ULK4: variants seen among roughly 807,000 people sequenced by gnomAD.
The protein encoded by ULK4 is unc-51 like kinase 4.
A neutral mutation model predicts 160.6 loss-of-function variants in ULK4; 133 were observed. That is an observed-to-expected ratio of 0.83 (90% confidence interval 0.72 to 0.96). The LOEUF is 0.96. Ranked by LOEUF, ULK4 falls within the 40% of genes least tolerant of loss-of-function variation. The pLI, the probability that ULK4 is intolerant of heterozygous loss-of-function variation, is 0.00. For synonymous variants in ULK4, 534 were observed against 539.8 expected (o/e 0.99, Z 0.15); for missense variants, 1,580 against 1,499.5 (o/e 1.05, Z -0.89).
intron 34 of ULK4, among the ~76,000 whole-genome samples, chr3:41,447,361 C>G (rs1310321804): frequency 2.6e-5 from 4 of 151,860 alleles, no homozygotes; most frequent in Non-Finnish European, 5.9e-5. Context: ...GAATGACTTT[C>G]TGGAGGAGCT....
intron 5 of ULK4, among the ~76,000 whole-genome samples, chr3:41,930,183 T>C (rs1699542757): frequency 6.6e-6 from 1 of 151,960 alleles, no homozygotes; most frequent in Non-Finnish European, 1.5e-5. Context: ...AATAGAGATC[T>C]ACAACCATCT....
At chr3:41,834,349 A>T (rs964762470) in intron 18 of ULK4, among the ~76,000 whole-genome samples, 3 of 152,082 alleles carry the variant, frequency 2.0e-5, no homozygotes, top group African/African-American at 7.2e-5. Context: ...AAAGATATCA[A>T]TACTTTCCCA....
At chr3:41,887,793 C>T (rs899583057) in intron 16 of ULK4, among the ~76,000 whole-genome samples, 7 of 152,062 alleles carry the variant, frequency 4.6e-5, no homozygotes, top group African/African-American at 1.4e-4. Flanking sequence ...TACTGCACTC[C>T]CGCCTGGGTG....
chr3:41,943,872 T>C (rs1314220674), intron 2 of ULK4, among the ~76,000 whole-genome samples: 5 of 152,360 alleles, frequency 3.3e-5, no homozygotes, highest in African/African-American at 1.2e-4. Context: ...CCCTTGCTAA[T>C]AGACCATTTC....
chr3:41,634,899 A>C (rs1379016510), intron 30 of ULK4, among the ~76,000 whole-genome samples: 4 of 152,346 alleles, frequency 2.6e-5, no homozygotes, highest in Middle Eastern at 3.4e-3. Flanking sequence ...TGAGAAGAGC[A>C]AAGTTGGAAA....
intron 34 of ULK4, among the ~76,000 whole-genome samples, chr3:41,415,301 T>C (rs1019684240): frequency 6.6e-6 from 1 of 152,138 alleles, no homozygotes; most frequent in African/African-American, 2.4e-5. Flanking sequence ...CTCCCTACTT[T>C]AGACATTCAG....
At chr3:41,607,202 G>C (rs2032424471) in intron 31 of ULK4, among the ~76,000 whole-genome samples, 1 of 152,118 alleles carries the variant, frequency 6.6e-6, no homozygotes, top group Non-Finnish European at 1.5e-5. Context: ...ACATTAGCTT[G>C]ATGATAGTGA....
At chr3:41,897,833 A>C (rs1209414334) in intron 14 of ULK4, among the ~76,000 whole-genome samples, 1 of 152,216 alleles carries the variant, frequency 6.6e-6, no homozygotes, top group Non-Finnish European at 1.5e-5. Flanking sequence ...TACTCTAGCC[A>C]CGATGAATAA....
intron 27 of ULK4, among the ~76,000 whole-genome samples, chr3:41,698,937 A>G (rs561322539): frequency 1.3e-5 from 2 of 152,158 alleles, no homozygotes; most frequent in African/African-American, 4.8e-5. Flanking sequence ...AATTTTTAAG[A>G]TTTATCCATG....
chr3:41,907,616 T>C (rs753975244), intron 12 of ULK4, among the ~76,000 whole-genome samples: 2 of 152,128 alleles, frequency 1.3e-5, no homozygotes, highest in Admixed American at 6.6e-5. Context: ...AATAGGTAAA[T>C]TGTATGGTAT....
At chr3:41,580,184 A>G (rs1441665664) in intron 31 of ULK4, among the ~76,000 whole-genome samples, 1 of 152,148 alleles carries the variant, frequency 6.6e-6, no homozygotes, top group Non-Finnish European at 1.5e-5. Context: ...ACAACAGACA[A>G]GCGGCTGTCA....
At position 41,435,443 on chromosome 3, in the gene ULK4, T is replaced by C. The variant is rs372968111; in HGVS notation, c.3492+20054A>G. On this transcript the variant is annotated intron_variant, in intron 34 of 36. Coordinates refer to ENST00000301831, the MANE Select transcript of ULK4 (RefSeq NM_017886.4). ...TCCAAAATAACTATATATCTGTTTC[T>C]AGGAAGGATGGTTAATGGGATCAAA... Among the ~76,000 whole-genome samples the C allele has an allele frequency of 5.9e-5, 9 of 152,342 alleles. No homozygotes were observed. The East Asian group carries it at 7.7e-4, about 13-fold the overall frequency.
chr3:41,521,427 G>A (rs1200095349), intron 32 of ULK4, among the ~76,000 whole-genome samples: 1 of 151,584 alleles, frequency 6.6e-6, no homozygotes. Context: ...AGACAGATAT[G>A]TATAGTTCTC....
At chr3:41,317,063 A>ATTTTTTTTTTTTTTTTTTTTTTTT (rs1164870603) in intron 35 of ULK4, among the ~76,000 whole-genome samples, 4 of 94,550 alleles carry the variant, frequency 4.2e-5, no homozygotes, top group African/African-American at 1.3e-4. Flanking sequence ...AATTACATCT[A>ATTTTTTTTTTTTTTTTTTTTTTTT]TTTTTTTTTT....
intron 35 of ULK4, among the ~76,000 whole-genome samples, chr3:41,349,631 C>T (rs2080870882): frequency 6.6e-6 from 1 of 152,108 alleles, no homozygotes; most frequent in Non-Finnish European, 1.5e-5. Flanking sequence ...AATCCCTGCC[C>T]CTCCTGTAGA....
At chr3:41,402,568 A>T (rs1179949727) in intron 34 of ULK4, among the ~76,000 whole-genome samples, 1 of 152,158 alleles carries the variant, frequency 6.6e-6, no homozygotes, top group African/African-American at 2.4e-5. Context: ...ACCATGAATA[A>T]GTGCTGGTGG....
At chr3:41,427,552 C>A (rs987839978) in intron 34 of ULK4, among the ~76,000 whole-genome samples, 3 of 152,178 alleles carry the variant, frequency 2.0e-5, no homozygotes, top group Non-Finnish European at 2.9e-5. Flanking sequence ...TCCAGCAGCA[C>A]ATCAAAAAGC....
intron 35 of ULK4, among the ~76,000 whole-genome samples, chr3:41,347,083 CCA>C (rs1220205645): frequency 1.3e-5 from 2 of 151,952 alleles, no homozygotes; most frequent in Non-Finnish European, 1.5e-5. Flanking sequence ...AAAAAAAAAC[CCA>C]CATAGGATTC....
chr3:41,689,708 T>C (rs539779803), intron 27 of ULK4, among the ~76,000 whole-genome samples: 12 of 152,298 alleles, frequency 7.9e-5, no homozygotes, highest in Middle Eastern at 6.8e-3. Flanking sequence ...CATCACTGGC[T>C]ATCAGAGAAA....
Sources: allele counts gnomAD v4.1 joint callset (sites outside exome capture counted in the v4.1 genomes callset), GRCh38; gene constraint gnomAD v4.1.1; transcripts MANE v1.5; gene names NCBI Gene and HGNC (gene_info 2026-07-23, HGNC 2026-07-21).